IL1RAPL2: variants seen among roughly 807,000 people sequenced by gnomAD.
The protein encoded by IL1RAPL2 is X-linked interleukin-1 receptor accessory protein-like 2.
A neutral mutation model predicts 44.1 loss-of-function variants in IL1RAPL2; 3 were observed. The ratio of observed to expected loss-of-function variants is 0.07; its 90% CI spans 0.03 to 0.18. The LOEUF is 0.18. IL1RAPL2 is among the 10% of genes least tolerant of loss of function. The probability of loss-of-function intolerance (pLI) is 1.00; values close to 1 mark genes in which losing one functional copy is unlikely to be tolerated. For synonymous variants in IL1RAPL2, 181 were observed against 178.8 expected, an observed-to-expected ratio of 1.01 and a Z score of -0.10; for missense variants, 391 against 496.4, an observed-to-expected ratio of 0.79 and a Z score of 2.02.
chrX:105,659,200 C>G (rs2037700203), intron 6 of IL1RAPL2, among the ~76,000 whole-genome samples: 1 of 110,411 alleles, frequency 9.1e-6, no homozygotes, highest in African/African-American at 3.3e-5. Context: ...AACACATAAA[C>G]TCAACAAATG....
At chrX:104,923,016 T>C (rs1453259199) in intron 2 of IL1RAPL2, among the ~76,000 whole-genome samples, 1 of 110,881 alleles carries the variant, frequency 9.0e-6, no homozygotes, top group Non-Finnish European at 1.9e-5. Context: ...TAAAACACAG[T>C]TGGAGGCTCT....
At chrX:105,117,049 C>T (rs751979046) in intron 2 of IL1RAPL2, among the ~76,000 whole-genome samples, 1 of 112,399 alleles carries the variant, frequency 8.9e-6, no homozygotes, top group African/African-American at 3.2e-5. Context: ...GTTTGGTGAA[C>T]GTATTACTGT....
At chrX:105,260,850 C>A (rs139573743) in intron 4 of IL1RAPL2, among the ~76,000 whole-genome samples, 2,123 of 112,370 alleles carry the variant, frequency 0.019, 56 homozygotes, top group African/African-American at 0.066. Context: ...TAGGGAGGTG[C>A]AATGCCCCTA....
At chrX:105,010,709 G>A (rs768358602) in intron 2 of IL1RAPL2, among the ~76,000 whole-genome samples, 1 of 111,353 alleles carries the variant, frequency 9.0e-6, no homozygotes, top group Non-Finnish European at 1.9e-5. Flanking sequence ...TTGCTGCACG[G>A]ACTGGGCCTG....
chrX:104,884,147 CA>C (rs1327039552), intron 2 of IL1RAPL2, among the ~76,000 whole-genome samples: 1 of 111,135 alleles, frequency 9.0e-6, no homozygotes, highest in Non-Finnish European at 1.9e-5. Context: ...TGGTAAGGGC[CA>C]CTAAATCTGA....
chrX:105,557,744 C>T (rs2036906433), intron 6 of IL1RAPL2, among the ~76,000 whole-genome samples: 1 of 110,821 alleles, frequency 9.0e-6, no homozygotes, highest in South Asian at 3.8e-4. Context: ...GGAGAGTCGC[C>T]CTCCCCAATC....
At chrX:105,036,156 C>T (rs1039548851) in intron 2 of IL1RAPL2, among the ~76,000 whole-genome samples, 1 of 111,378 alleles carries the variant, frequency 9.0e-6, no homozygotes, top group Non-Finnish European at 1.9e-5. Context: ...GAATTTATCC[C>T]TTCTTAATTC....
At chrX:105,350,569 C>T (rs1050777188) in intron 5 of IL1RAPL2, among the ~76,000 whole-genome samples, 4 of 111,134 alleles carry the variant, frequency 3.6e-5, no homozygotes, top group Non-Finnish European at 7.5e-5. Context: ...ACTAAAATTA[C>T]AAAATTAGCC....
chrX:105,756,108 T>C (rs2038636621), intron 10 of IL1RAPL2, among the ~76,000 whole-genome samples: 1 of 111,928 alleles, frequency 8.9e-6, no homozygotes, highest in African/African-American at 3.2e-5. Context: ...TAGAACTTAT[T>C]TGCATATAAG....
At chrX:105,667,294 T>C (rs922628176) in intron 6 of IL1RAPL2, among the ~76,000 whole-genome samples, 1 of 111,961 alleles carries the variant, frequency 8.9e-6, no homozygotes, top group Non-Finnish European at 1.9e-5. Flanking sequence ...CAGGACCGGG[T>C]AAAGCAGTTA....
At chrX:104,580,150 C>T (rs770195994) in intron 1 of IL1RAPL2, among the ~76,000 whole-genome samples, 20 of 112,157 alleles carry the variant, frequency 1.8e-4, no homozygotes, top group East Asian at 5.7e-4. Context: ...ATTGATTAAA[C>T]CTCTCTGTCA....
chrX:105,219,211 A>C (rs1257998930), intron 3 of IL1RAPL2: 1 of 1,208,672 alleles, frequency 8.3e-7, no homozygotes, highest in East Asian at 3.0e-5. Flanking sequence ...CTGAGGCGGA[A>C]CTGGTGCTGT....
At chrX:105,658,172 A>T (rs1472191393) in intron 6 of IL1RAPL2, among the ~76,000 whole-genome samples, 1 of 110,853 alleles carries the variant, frequency 9.0e-6, no homozygotes. Context: ...AGAAAAAAAA[A>T]ATAATTAACT....
intron 2 of IL1RAPL2, among the ~76,000 whole-genome samples, chrX:104,705,873 C>G (rs1028524752): frequency 9.0e-6 from 1 of 111,219 alleles, no homozygotes. Context: ...TCTTTAAAGG[C>G]GGGGACCAAG....
At chrX:105,733,640 T>G (rs1224692172) in intron 7 of IL1RAPL2, among the ~76,000 whole-genome samples, 1 of 111,401 alleles carries the variant, frequency 9.0e-6, no homozygotes, top group East Asian at 2.8e-4. Context: ...TGTCAACATA[T>G]TTTGATTTCT....
intron 1 of IL1RAPL2, among the ~76,000 whole-genome samples, chrX:104,631,646 A>C (rs992468308): frequency 8.9e-6 from 1 of 111,899 alleles, no homozygotes; most frequent in African/African-American, 3.3e-5. Flanking sequence ...TCTTCTGCGA[A>C]GTGTCTGCTC....
At chrX:105,083,762 A>C (rs2032444269) in intron 2 of IL1RAPL2, among the ~76,000 whole-genome samples, 1 of 112,130 alleles carries the variant, frequency 8.9e-6, no homozygotes, top group African/African-American at 3.2e-5. Flanking sequence ...CAGAAAAGCA[A>C]ATGCTGAGAT....
chrX:105,123,713 G>A (rs1182013322), intron 2 of IL1RAPL2, among the ~76,000 whole-genome samples: 1 of 111,077 alleles, frequency 9.0e-6, no homozygotes, highest in Non-Finnish European at 1.9e-5. Context: ...TTAAAATTGT[G>A]TTTAAATATT....
At chrX:105,426,438 T>C (rs1184198320) in intron 5 of IL1RAPL2, among the ~76,000 whole-genome samples, 2 of 111,226 alleles carry the variant, frequency 1.8e-5, no homozygotes, top group African/African-American at 6.5e-5. Flanking sequence ...CTTTCTGATC[T>C]CATTATAAAG....
Sources: allele counts gnomAD v4.1 joint callset (sites outside exome capture counted in the v4.1 genomes callset), GRCh38; gene constraint gnomAD v4.1.1; transcripts MANE v1.5; gene names NCBI Gene and HGNC (gene_info 2026-07-23, HGNC 2026-07-21).